GLCCI1: variants seen among roughly 807,000 people sequenced by gnomAD.
GLCCI1 encodes the protein glucocorticoid induced 1.
In GLCCI1, 24 loss-of-function variants were observed where a neutral mutation model predicts 52.2. That is an observed-to-expected ratio of 0.46 (90% CI 0.33 to 0.65). GLCCI1 has a LOEUF of 0.65. Among genes scored for constraint, GLCCI1 ranks in the 30% least tolerant of loss-of-function variants. GLCCI1 has a pLI of 0.02. For synonymous variants in GLCCI1, 310 were observed against 276.5 expected (o/e 1.12, Z -1.20); for missense variants, 704 against 701.5 (o/e 1.00, Z -0.04).
At chr7:8,027,135 T>C (rs1183192871) in intron 3 of GLCCI1, among the ~76,000 whole-genome samples, 4 of 152,182 alleles carry the variant, frequency 2.6e-5, no homozygotes, top group Non-Finnish European at 5.9e-5. Flanking sequence ...CCTCACCAAA[T>C]GAACCAGGCA....
intron 2 of GLCCI1, among the ~76,000 whole-genome samples, chr7:8,015,510 T>C (rs555725992): frequency 6.6e-5 from 10 of 152,284 alleles, no homozygotes; most frequent in Non-Finnish European, 1.5e-4. Flanking sequence ...CTAAATTATT[T>C]TTTATGGAGC....
At chr7:8,039,537 G>A (rs143611534) in intron 3 of GLCCI1, among the ~76,000 whole-genome samples, 24 of 152,236 alleles carry the variant, frequency 1.6e-4, no homozygotes, top group Non-Finnish European at 3.1e-4. Flanking sequence ...TAACTCAGAA[G>A]CAGTCAAATA....
chr7:7,993,093 A>G (rs527398638), intron 1 of GLCCI1, among the ~76,000 whole-genome samples: 1 of 152,248 alleles, frequency 6.6e-6, no homozygotes, highest in Non-Finnish European at 1.5e-5. Flanking sequence ...CATTATTCAT[A>G]GGGACATCTT....
At chr7:8,041,184 G>A (rs1169430045) in intron 3 of GLCCI1, among the ~76,000 whole-genome samples, 1 of 152,178 alleles carries the variant, frequency 6.6e-6, no homozygotes. Flanking sequence ...GAGAAAATTT[G>A]AGTGGACTAG....
At chr7:8,053,107 T>G (rs1782296871) in intron 3 of GLCCI1, among the ~76,000 whole-genome samples, 1 of 151,798 alleles carries the variant, frequency 6.6e-6, no homozygotes, top group African/African-American at 2.4e-5. Flanking sequence ...ATGATGTTAC[T>G]AAGTTTTCAA....
chr7:8,047,877 C>G (rs921005335), intron 3 of GLCCI1, among the ~76,000 whole-genome samples: 2 of 152,160 alleles, frequency 1.3e-5, no homozygotes, highest in African/African-American at 2.4e-5. Context: ...TTTCTTATCT[C>G]TTATGATAAT....
chr7:8,013,656 A>G (rs1202996202), intron 2 of GLCCI1, among the ~76,000 whole-genome samples: 1 of 152,188 alleles, frequency 6.6e-6, no homozygotes, highest in Non-Finnish European at 1.5e-5. Flanking sequence ...TATTCATTCA[A>G]GTATTATGTT....
chr7:8,070,853 C>T lies in GLCCI1; in HGVS notation c.967-68C>T. 2.9e-6 allele frequency: 4 copies of T among 1,365,912 alleles called. 1 individual carries two copies. The South Asian group carries it at 5.0e-5, about 17-fold the overall frequency. The allele number at this position is 1,365,912 out of a possible 1,614,324, so 84.6% of individuals were successfully genotyped here. On this transcript the variant is annotated intron_variant, in intron 5 of 7. Transcript: ENST00000223145. ...GTGGAATATGAAATCAAGGGAAATA[C>T]TATGTGCTTTCTATGTAGATGAATA...
At chr7:8,054,111 C>T (rs1584003726) in intron 3 of GLCCI1, among the ~76,000 whole-genome samples, 1 of 152,116 alleles carries the variant, frequency 6.6e-6, no homozygotes, top group Non-Finnish European at 1.5e-5. Context: ...TGAGCTCTTT[C>T]ATATAAGCTC....
chr7:8,086,105 C>G lies in GLCCI1; in HGVS notation c.1299-88C>G. ...CCATCTCCTGCCATTTACATTTTAGCTGTTTTAGAGAACTCCAGTTAATTC... is the reference window on the plus strand; with the variant it reads ...CCATCTCCTGCCATTTACATTTTAGGTGTTTTAGAGAACTCCAGTTAATTC... On this transcript the variant is annotated intron_variant, in intron 7 of 7. Transcript: ENST00000223145. The surrounding 1 kb of genome is among the most constrained non-coding windows in gnomAD (Gnocchi z 4.4). The G allele has an allele frequency of 9.1e-7, 1 of 1,097,566 alleles. No homozygotes were observed. Among genetic ancestry groups the G allele is most frequent in the Non-Finnish European group, 1.3e-6 (1 of 760,014 alleles). The allele number at this position is 1,097,566 out of a possible 1,614,324, so 68.0% of individuals were successfully genotyped here.
At chr7:7,976,150 C>G (rs2115402667) in intron 1 of GLCCI1, among the ~76,000 whole-genome samples, 2 of 152,068 alleles carry the variant, frequency 1.3e-5, no homozygotes, top group East Asian at 3.9e-4. Flanking sequence ...CATCGTATAC[C>G]TTAATGATGG....
chr7:8,030,761 G>T (rs528307937), intron 3 of GLCCI1, among the ~76,000 whole-genome samples: 3 of 152,042 alleles, frequency 2.0e-5, no homozygotes, highest in African/African-American at 2.4e-5. Context: ...AGACATAGAC[G>T]TGGAAAACAG....
intron 2 of GLCCI1, among the ~76,000 whole-genome samples, chr7:8,018,077 TATC>T (rs1165634613): frequency 1.3e-5 from 2 of 152,152 alleles, no homozygotes; most frequent in East Asian, 1.9e-4. Context: ...TTAATATAGG[TATC>T]ATTGATTTTT....
chr7:8,085,944 T>A (rs943302998), intron 7 of GLCCI1, among the ~76,000 whole-genome samples: 1 of 152,250 alleles, frequency 6.6e-6, no homozygotes, highest in Non-Finnish European at 1.5e-5. Flanking sequence ...AGCAAACTAA[T>A]GATCTCTAAA....
chr7:7,971,445 G>A (rs977316431), intron 1 of GLCCI1, among the ~76,000 whole-genome samples: 4 of 152,182 alleles, frequency 2.6e-5, no homozygotes, highest in African/African-American at 4.8e-5. Context: ...TAGTGATTTC[G>A]CTTCAACAGT....
At chr7:7,981,755 G>A (rs2115408375) in intron 1 of GLCCI1, 2 of 308,428 alleles carry the variant, frequency 6.5e-6, no homozygotes, top group East Asian at 9.0e-5. Flanking sequence ...TACACCAAGA[G>A]TGATTTAAAG....
At chr7:8,041,609 T>A (rs1270773627) in intron 3 of GLCCI1, among the ~76,000 whole-genome samples, 1 of 152,204 alleles carries the variant, frequency 6.6e-6, no homozygotes, top group African/African-American at 2.4e-5. Context: ...TTTTTCTTTT[T>A]TTCGAGACAA....
At chr7:7,971,760 G>A (rs1780358404) in intron 1 of GLCCI1, among the ~76,000 whole-genome samples, 1 of 152,186 alleles carries the variant, frequency 6.6e-6, no homozygotes, top group Admixed American at 6.5e-5. Context: ...CTTTGTTGTA[G>A]TGTGGCACAT....
At chr7:7,973,413 C>CGCGTGTGTGTGT (rs1554257315) in intron 1 of GLCCI1, among the ~76,000 whole-genome samples, 1 of 147,590 alleles carries the variant, frequency 6.8e-6, no homozygotes, top group East Asian at 2.0e-4. Context: ...TCTTTGTGTG[C>CGCGTGTGTGTGT]GTGTGTGTGT....
Sources: gnomAD v4.1 joint callset for allele counts (sites outside exome capture counted in the v4.1 genomes callset) on GRCh38, gnomAD v4.1.1 for gene constraint, Gnocchi (gnomAD v3.1) non-coding constraint, MANE v1.5 for transcripts, NCBI Gene and HGNC (gene_info 2026-07-23, HGNC 2026-07-21) for gene names.